Variants in PFKFB3 observed in about 807,000 individuals in gnomAD.
PFKFB3 encodes 6-phosphofructo-2-kinase/fructose-2,6-biphosphatase 3.
A neutral mutation model predicts 68.0 loss-of-function variants in PFKFB3; 33 were observed. That is an observed-to-expected ratio of 0.49 (90% confidence interval 0.37 to 0.65). The LOEUF (loss-of-function observed/expected upper bound fraction) is 0.65. PFKFB3 is among the 30% of genes least tolerant of loss of function. The pLI, the probability that PFKFB3 is intolerant of heterozygous loss-of-function variation, is 0.00. For missense variants in PFKFB3, 586 were observed against 712.2 expected, an observed-to-expected ratio of 0.82 and a Z score of 2.02; for synonymous variants, 315 against 288.2, an observed-to-expected ratio of 1.09 and a Z score of -0.94.
downstream of PFKFB3, among the ~76,000 whole-genome samples, chr10:6,259,402 C>T (rs1391517396): frequency 6.6e-6 from 1 of 151,282 alleles, no homozygotes; most frequent in African/African-American, 2.4e-5. Flanking sequence ...ATCTGCTCAC[C>T]CATCCACCCA....
At chr10:6,272,098 C>T in the PFKFB3 span, among the ~76,000 whole-genome samples, 86 of 152,344 alleles carry the variant, frequency 5.6e-4, 1 homozygote, top group Non-Finnish European at 1.1e-3. Flanking sequence ...GCATTACATA[C>T]GTGCTTACTT....
chr10:6,159,350 G>A lies in PFKFB3; in HGVS notation c.16+14337G>A, dbSNP rs142280912. On this transcript the variant is annotated intron_variant, in intron 1 of 14. Coordinates refer to the PFKFB3 transcript ENST00000379789. ...GTGGAGGTTGCAGTGAGAGGAGATC[G>A]CGCCACTGCACTCCAACCTGGGTAA... Among the ~76,000 whole-genome samples, 66 of 150,684 alleles carry A rather than the reference G, an allele frequency of 4.4e-4. No homozygotes were observed. In the Middle Eastern group the frequency reaches 0.014, roughly 32 times the overall value.
chr10:6,246,466 C>T (rs1015782565), intron 14 of PFKFB3, among the ~76,000 whole-genome samples: 105 of 151,572 alleles, frequency 6.9e-4, no homozygotes, highest in African/African-American at 2.3e-3. Context: ...CAGCCTCCTG[C>T]GTAGCTGGGA....
intron 1 of PFKFB3, among the ~76,000 whole-genome samples, chr10:6,193,634 G>A (rs527882100): frequency 6.6e-6 from 1 of 152,220 alleles, no homozygotes; most frequent in Non-Finnish European, 1.5e-5. Context: ...TTTCACCTGG[G>A]TGCAGGCGGG....
chr10:6,181,540 C>T (rs1842712800), intron 1 of PFKFB3, among the ~76,000 whole-genome samples: 1 of 152,182 alleles, frequency 6.6e-6, no homozygotes, highest in South Asian at 2.1e-4. Flanking sequence ...CAAATACTGG[C>T]TGGGTGCAGT....
chr10:6,313,709 C>T, the PFKFB3 span, among the ~76,000 whole-genome samples: 7 of 152,348 alleles, frequency 4.6e-5, no homozygotes, highest in South Asian at 2.1e-4. This position sits in a 1 kb window ranked among gnomAD's most constrained non-coding sequence, Gnocchi z 4.2. Context: ...GATCACAGCT[C>T]ATTCATCTCA....
the PFKFB3 span, among the ~76,000 whole-genome samples, chr10:6,286,460 C>A: frequency 6.6e-6 from 1 of 152,136 alleles, no homozygotes; most frequent in African/African-American, 2.4e-5. Flanking sequence ...TCACTGCAAC[C>A]TCTGCCTCCT....
At chr10:6,265,081 C>CA in the PFKFB3 span, among the ~76,000 whole-genome samples, 1 of 76,638 alleles carries the variant, frequency 1.3e-5, no homozygotes, top group Non-Finnish European at 2.5e-5. Flanking sequence ...CTTTTTCTTT[C>CA]ATTTTTTTTT....
intron 14 of PFKFB3, among the ~76,000 whole-genome samples, chr10:6,253,503 G>T (rs1403172810): frequency 6.6e-6 from 1 of 152,150 alleles, no homozygotes; most frequent in Non-Finnish European, 1.5e-5. Context: ...TCAGGGAAGT[G>T]GTACCCTAAA....
the PFKFB3 span, among the ~76,000 whole-genome samples, chr10:6,300,859 G>A: frequency 6.6e-6 from 1 of 152,212 alleles, no homozygotes; most frequent in Non-Finnish European, 1.5e-5. Context: ...GTACTAGAGA[G>A]AAGCTACTGC....
chr10:6,215,108 A>C lies in PFKFB3; in HGVS notation c.203-113A>C, dbSNP rs911511478. 3.7e-6 allele frequency: 3 copies of C among 800,764 alleles called. No homozygotes were observed. Among genetic ancestry groups the C allele is most frequent in the Non-Finnish European group, 6.3e-6 (3 of 474,132 alleles). The allele number at this position is 800,764 out of a possible 1,614,324, so 49.6% of individuals were successfully genotyped here. On this transcript the variant is annotated intron_variant, in intron 2 of 14. Transcript: ENST00000379775. This position sits in a 1 kb window ranked among gnomAD's most constrained non-coding sequence, Gnocchi z 4.3. ...GCATTGCTTCCACACCATCTCATTC[A>C]AGTCGGTGTGGTTGGCCTGGTGGCT...
At chr10:6,313,244 A>C in the PFKFB3 span, among the ~76,000 whole-genome samples, 1 of 152,214 alleles carries the variant, frequency 6.6e-6, no homozygotes, top group Non-Finnish European at 1.5e-5. This position sits in a 1 kb window ranked among gnomAD's most constrained non-coding sequence, Gnocchi z 4.2. Context: ...ATTTACTGCT[A>C]ATTTTTGTAA....
intron 1 of PFKFB3, chr10:6,152,287 G>C (rs1248233195): frequency 6.6e-6 from 1 of 152,474 alleles, no homozygotes; most frequent in Non-Finnish European, 1.5e-5. Context: ...AACAGTTCCT[G>C]CAGCCGGTCT....
chr10:6,248,285 G>A (rs918050913), intron 14 of PFKFB3, among the ~76,000 whole-genome samples: 5 of 152,074 alleles, frequency 3.3e-5, no homozygotes, highest in Admixed American at 6.6e-5. Context: ...AGTGTTAAAT[G>A]TGTGGTTTTC....
intron 14 of PFKFB3, chr10:6,231,152 C>G (rs1229670135): frequency 1.2e-6 from 1 of 825,020 alleles, no homozygotes; most frequent in Non-Finnish European, 2.0e-6. Flanking sequence ...ATTTGTGATG[C>G]AACCTTCATT....
intron 1 of PFKFB3, among the ~76,000 whole-genome samples, chr10:6,174,444 G>A (rs573123675): frequency 7.1e-4 from 108 of 152,304 alleles, no homozygotes; most frequent in African/African-American, 1.8e-3. Context: ...CAGATGGGAC[G>A]CGGGCATCAG....
chr10:6,178,809 C>T (rs1010516326), intron 1 of PFKFB3, among the ~76,000 whole-genome samples: 12 of 152,234 alleles, frequency 7.9e-5, no homozygotes, highest in East Asian at 1.9e-4. Flanking sequence ...ACCTGCCCCT[C>T]GGCCCCAATC....
At chr10:6,321,926 C>A in the PFKFB3 span, among the ~76,000 whole-genome samples, 5,528 of 152,296 alleles carry the variant, frequency 0.036, 340 homozygotes, top group African/African-American at 0.13. Flanking sequence ...ATTCCCAGGG[C>A]TTCCGCTCAA....
intron 14 of PFKFB3, among the ~76,000 whole-genome samples, chr10:6,244,466 A>G (rs2132076378): frequency 6.6e-6 from 1 of 152,250 alleles, no homozygotes; most frequent in South Asian, 2.1e-4. Context: ...CCGTATTCCA[A>G]TTCGGGGCAG....
Sources: gnomAD v4.1 joint callset for allele counts (sites outside exome capture counted in the v4.1 genomes callset) on GRCh38, gnomAD v4.1.1 for gene constraint, Gnocchi (gnomAD v3.1) non-coding constraint, MANE v1.5 for transcripts, NCBI Gene and HGNC (gene_info 2026-07-23, HGNC 2026-07-21) for gene names.